CCDC141: variants seen among roughly 807,000 people sequenced by gnomAD.
The protein encoded by CCDC141 is coiled-coil domain-containing protein 141.
A neutral mutation model predicts 181.0 loss-of-function variants in CCDC141; 168 were observed. That is an observed-to-expected ratio of 0.93 (90% CI 0.82 to 1.05). CCDC141 has a LOEUF of 1.05. Ranked by LOEUF, CCDC141 falls within the 50% of genes least tolerant of loss-of-function variation. CCDC141 has a pLI of 0.00. For missense variants in CCDC141, 1,902 were observed against 1,788.5 expected, an observed-to-expected ratio of 1.06 and a Z score of -1.14; for synonymous variants, 666 against 642.3, an observed-to-expected ratio of 1.04 and a Z score of -0.56.
rs55791403 is a variant in CCDC141, at chr2:178,881,915, TCACACACA to T, written c.1719+2978_1719+2985del. Among the ~76,000 whole-genome samples, 424 of 92,286 alleles carry T rather than the reference TCACACACA, an allele frequency of 4.6e-3. 3 individuals carry two copies. The highest frequency in any genetic ancestry group is 7.6e-3 in the African/African-American group (194 of 25,466). 60.5% of individuals were successfully genotyped at this position (92,286 alleles called of 152,430 possible). On this transcript the variant is annotated intron_variant, in intron 11 of 23. Transcript: ENST00000443758. ...GTCTCTCTCTCTCTCTCTCTCTCTC[TCACACACA>T]CACACACACACACACACACACACAC...
intron 5 of CCDC141, among the ~76,000 whole-genome samples, chr2:178,949,407 T>C (rs1006262897): frequency 5.3e-5 from 8 of 152,186 alleles, no homozygotes; most frequent in Admixed American, 6.5e-5. Flanking sequence ...GTTCAATAAT[T>C]TGCCTAATTT....
Position 178,963,386 on chromosome 2 carries a change from C to T in CCDC141, c.527-1903G>A, listed in dbSNP as rs148928567. Among the ~76,000 whole-genome samples the T allele has an allele frequency of 2.8e-3, 419 of 151,820 alleles. 1 individual carries two copies. The highest frequency in any genetic ancestry group is 8.8e-3 in the African/African-American group (365 of 41,402). On this transcript the variant is annotated intron_variant, in intron 4 of 23. Transcript: ENST00000443758. Reference sequence around the variant, plus strand: ...AAAAGAAAATGCTAGGACAGTATCTCGAAAGAATAACAGCGTCAAATATAC... The same window carrying T: ...AAAAGAAAATGCTAGGACAGTATCTTGAAAGAATAACAGCGTCAAATATAC...
intron 22 of CCDC141, among the ~76,000 whole-genome samples, chr2:178,839,931 G>A (rs1487484350): frequency 6.6e-6 from 1 of 152,166 alleles, no homozygotes; most frequent in Non-Finnish European, 1.5e-5. Context: ...TTCAGTCTAA[G>A]AATCTCCACT....
chr2:179,015,604 T>C (rs1389855677), intron 2 of CCDC141, among the ~76,000 whole-genome samples: 1 of 56,930 alleles, frequency 1.8e-5, no homozygotes, highest in Admixed American at 2.1e-4. Flanking sequence ...GTATCTCATA[T>C]ATCTCATATA....
intron 8 of CCDC141, among the ~76,000 whole-genome samples, chr2:178,891,843 T>C (rs1201179691): frequency 6.6e-6 from 1 of 152,136 alleles, no homozygotes; most frequent in Non-Finnish European, 1.5e-5. Context: ...TGTGGTGATT[T>C]ATGCCTTATT....
chr2:178,908,633 A>G (rs1688087206), intron 7 of CCDC141, among the ~76,000 whole-genome samples: 2 of 152,188 alleles, frequency 1.3e-5, no homozygotes, highest in South Asian at 4.1e-4. Flanking sequence ...AGAATTGAGA[A>G]CCCCTGAGCT....
intron 4 of CCDC141, among the ~76,000 whole-genome samples, chr2:178,963,111 A>C: frequency 6.6e-6 from 1 of 152,222 alleles, no homozygotes; most frequent in East Asian, 1.9e-4. Flanking sequence ...ATTTTTGTAG[A>C]ATGCTTGAGT....
chr2:178,840,031 T>C (rs1447277903), intron 22 of CCDC141, among the ~76,000 whole-genome samples: 1 of 152,224 alleles, frequency 6.6e-6, no homozygotes, highest in East Asian at 1.9e-4. Flanking sequence ...TATCTTCCTA[T>C]ATGTAGCAAA....
intron 6 of CCDC141, among the ~76,000 whole-genome samples, chr2:178,935,477 G>C (rs1689248928): frequency 6.6e-6 from 1 of 152,146 alleles, no homozygotes; most frequent in South Asian, 2.1e-4. Flanking sequence ...TGGCTGCATA[G>C]TATTCCATGG....
At chr2:178,965,154 A>G (rs4894071) in intron 4 of CCDC141, among the ~76,000 whole-genome samples, 16,795 of 152,220 alleles carry the variant, frequency 0.11, 1,537 homozygotes, top group South Asian at 0.23. Flanking sequence ...ATCATGTAAG[A>G]TATTTCTTCC....
chr2:178,906,780 T>C (rs908955546), intron 7 of CCDC141, among the ~76,000 whole-genome samples: 10 of 152,260 alleles, frequency 6.6e-5, no homozygotes, highest in African/African-American at 2.2e-4. Flanking sequence ...CACTAAGACC[T>C]GAAGGAGACC....
chr2:178,952,236 T>G (rs1689978595), intron 5 of CCDC141, among the ~76,000 whole-genome samples: 2 of 152,228 alleles, frequency 1.3e-5, no homozygotes, highest in Non-Finnish European at 2.9e-5. Flanking sequence ...ATGGCCAGTG[T>G]GTCTGATTTT....
chr2:178,982,781 G>A (rs1559025912), intron 2 of CCDC141, among the ~76,000 whole-genome samples: 1 of 152,184 alleles, frequency 6.6e-6, no homozygotes, highest in African/African-American at 2.4e-5. Context: ...GGCGCACCAC[G>A]AGATTATATC....
At chr2:179,036,018 A>C (rs2043135287) in intron 2 of CCDC141, among the ~76,000 whole-genome samples, 1 of 152,128 alleles carries the variant, frequency 6.6e-6, no homozygotes, top group African/African-American at 2.4e-5. Context: ...TATGGAGGAC[A>C]CCTCTCTTTT....
At chr2:178,835,744 C>T (rs553349473) in intron 23 of CCDC141, 36 of 152,422 alleles carry the variant, frequency 2.4e-4, no homozygotes, top group African/African-American at 7.9e-4. Flanking sequence ...ACAAGAAACA[C>T]ATCTGACAAC....
At chr2:179,043,403 A>C (rs1434182612) in intron 2 of CCDC141, among the ~76,000 whole-genome samples, 1 of 152,186 alleles carries the variant, frequency 6.6e-6, no homozygotes, top group Non-Finnish European at 1.5e-5. Context: ...CAACAAAAAA[A>C]GGAAACTCCA....
At chr2:179,015,091 T>TA (rs1403968448) in intron 2 of CCDC141, among the ~76,000 whole-genome samples, 60 of 42,030 alleles carry the variant, frequency 1.4e-3, no homozygotes, top group African/African-American at 3.7e-3. Context: ...TATATATATA[T>TA]ATATATATAT....
At chr2:178,981,214 T>C (rs745571294) in intron 2 of CCDC141, among the ~76,000 whole-genome samples, 14 of 152,256 alleles carry the variant, frequency 9.2e-5, no homozygotes, top group Middle Eastern at 3.4e-3. Flanking sequence ...ATGAAGCATA[T>C]AGATGAACTG....
intron 2 of CCDC141, among the ~76,000 whole-genome samples, chr2:179,023,701 C>T (rs943667853): frequency 6.6e-6 from 1 of 152,092 alleles, no homozygotes; most frequent in Non-Finnish European, 1.5e-5. Flanking sequence ...AACTTACACT[C>T]TTATGAGAAA....
Sources: gnomAD v4.1 joint callset for allele counts (sites outside exome capture counted in the v4.1 genomes callset) on GRCh38, gnomAD v4.1.1 for gene constraint, MANE v1.5 for transcripts, NCBI Gene and HGNC (gene_info 2026-07-23, HGNC 2026-07-21) for gene names.